The following CRELD2 variants were observed in gnomAD, a reference collection of about 807,000 sequenced individuals.
CRELD2 encodes the protein protein disulfide isomerase CRELD2.
A neutral mutation model predicts 48.1 loss-of-function variants in CRELD2; 33 were observed. The ratio of observed to expected loss-of-function variants is 0.69; its 90% CI spans 0.52 to 0.92. The LOEUF (loss-of-function observed/expected upper bound fraction) is 0.92, where lower values mean the gene tolerates loss of function less well. Ranked by LOEUF, CRELD2 falls within the 40% of genes least tolerant of loss-of-function variation. The pLI is 0.00. For synonymous variants in CRELD2, 220 were observed against 203.9 expected, an observed-to-expected ratio of 1.08 and a Z score of -0.67; for missense variants, 477 against 482.4, an observed-to-expected ratio of 0.99 and a Z score of 0.10.
At chr22:49,922,759 T>C (rs1416961844) in intron 6 of CRELD2, 52 bp downstream of exon 6, 22 of 547,564 alleles carry the variant, frequency 4.0e-5, no homozygotes, top group Middle Eastern at 5.5e-4. Flanking sequence ...GCGTGGGGGG[T>C]GTGAGATGGG....
intron 4 of CRELD2, 51 bp from the exon 5 acceptor site, chr22:49,921,534 G>A (rs555665595): frequency 8.9e-6 from 14 of 1,569,098 alleles, no homozygotes; most frequent in South Asian, 5.8e-5. Context: ...TGAGAACACC[G>A]CACCGGTCAC....
chr22:49,924,185 A>G (rs2060732727), intron 7 of CRELD2, 175 bp from the exon 8 acceptor site: 2 of 537,912 alleles, frequency 3.7e-6, no homozygotes, highest in African/African-American at 3.8e-5. Flanking sequence ...GCTGCACAGC[A>G]GGACGCGAGT....
At position 49,924,293 on chromosome 22, in the gene CRELD2, A is replaced by C. The variant is rs2060734458; in HGVS notation, c.773-67A>C. The C allele has an allele frequency of 6.9e-6, 8 of 1,153,836 alleles. No homozygotes were observed. The South Asian group carries it at 9.5e-5, about 14-fold the overall frequency. The allele number at this position is 1,153,836 out of a possible 1,614,324, so 71.5% of individuals were successfully genotyped here. A position where few individuals can be genotyped will look rare whatever the true frequency, so the allele number is the denominator to read the frequency against. Reference sequence around the variant, plus strand: ...TCCTGGCGGCACCGGTGCCTTGTGCATGTCGGGGTCTGACGGGCACTGGTG... The same window carrying C: ...TCCTGGCGGCACCGGTGCCTTGTGCCTGTCGGGGTCTGACGGGCACTGGTG... On this transcript the variant is annotated intron_variant, in intron 7 of 9. Transcript: ENST00000328268.
chr22:49,918,794 C>T lies in CRELD2; in HGVS notation c.25C>T (p.Leu9=), dbSNP rs2060641244. The change falls in exon 1 of 10, where the codon CTG becomes TTG. Residue 9 remains leucine (L), a synonymous_variant. Transcript: ENST00000328268. The stretch of plus-strand genomic sequence containing the variant: ...CATGCGCCTGCCGCGCCGGGCCGCG[C>T]TGGGGCTCCTGCCGCTTCTGCTGCT... MRLPRRAA[L]GLLPLLLLLP... 7.6e-7 allele frequency: 1 copy of T among 1,313,808 alleles called. No individual in the cohort carries two copies. Among genetic ancestry groups the T allele is most frequent in the Non-Finnish European group, 9.7e-7 (1 of 1,031,108 alleles). The allele number at this position is 1,313,808 out of a possible 1,614,324, so 81.4% of individuals were successfully genotyped here.
At position 49,919,571 on chromosome 22, in the gene CRELD2, G is replaced by A. The variant is rs9616387; in HGVS notation, c.213-159G>A. Reference sequence around the variant, plus strand: ...AACTGGAACACCAGCCCCACTTGTGGGAACCGCTCCTGGCTTCCCCTGACA... The same window carrying A: ...AACTGGAACACCAGCCCCACTTGTGAGAACCGCTCCTGGCTTCCCCTGACA... On this transcript the variant is annotated intron_variant, in intron 2 of 9. Coordinates refer to ENST00000328268, the MANE Select transcript of CRELD2 (RefSeq NM_024324.5). 0.079 allele frequency among the ~76,000 whole-genome samples: 12,010 copies of A among 151,524 alleles called. 588 individuals are homozygous for A. Among genetic ancestry groups the A allele is most frequent in the South Asian group, 0.12 (577 of 4,830 alleles).
chr22:49,922,858 G>GTGTGA (rs2060711424), intron 6 of CRELD2, 151 bp downstream of exon 6: 5 of 119,758 alleles, frequency 4.2e-5, no homozygotes, highest in South Asian at 2.0e-4. Context: ...TGAGGTGTGG[G>GTGTGA]GCTTGGGGTG....
chr22:49,927,174 A>T (rs1263252774), intron 9 of CRELD2, 81 bp from the exon 10 acceptor site: 2 of 1,279,138 alleles, frequency 1.6e-6, no homozygotes, highest in African/African-American at 2.9e-5. Context: ...GGCCCTGCAC[A>T]TGCGCTGCTG....
In CRELD2 at chr22:49,922,634, G is replaced by C; in HGVS notation, c.615G>C (p.Thr205=). The change falls in exon 6 of 10, where the codon ACG becomes ACC. Residue 205 remains threonine, a synonymous_variant. Transcript: ENST00000328268. ...ICTACDESCK[T]CSGLTNRDCG... ...CAGCCTGTGACGAGTCCTGCAAGAC[G>C]TGCTCGGGCCTGACCAACAGAGACT... The C allele has an allele frequency of 1.3e-6, 2 of 1,567,196 alleles. No individual in the cohort carries two copies. Among genetic ancestry groups the C allele is most frequent in the South Asian group, 1.2e-5 (1 of 85,730 alleles).
intron 9 of CRELD2, 117 bp downstream of exon 9, chr22:49,925,674 G>A (rs779387900): frequency 1.0e-5 from 16 of 1,538,284 alleles, no homozygotes; most frequent in Non-Finnish European, 1.4e-5. Context: ...ATGGTGAGAG[G>A]GGGATTCCCG....
chr22:49,924,520 C>A, intron 8 of CRELD2, 65 bp downstream of exon 8: 1 of 1,215,566 alleles, frequency 8.2e-7, no homozygotes, highest in Admixed American at 2.0e-5. Context: ...TGTGAATGGC[C>A]CCAGCAGGTA....
intron 7 of CRELD2, chr22:49,923,568 G>T (rs534186598): frequency 1.6e-4 from 94 of 599,076 alleles, no homozygotes; most frequent in South Asian, 1.6e-3. Flanking sequence ...CACTGCTCGT[G>T]CCCCCCCAGC....
At chr22:49,924,481 G>A (rs762350258) in intron 8 of CRELD2, 26 bp downstream of exon 8, 6 of 1,515,156 alleles carry the variant, frequency 4.0e-6, no homozygotes, top group South Asian at 2.4e-5. Context: ...TGTGCTGGAC[G>A]CTGGTGGACC....
chr22:49,923,024 G>A (rs984046763), intron 6 of CRELD2, among the ~76,000 whole-genome samples: 5 of 151,674 alleles, frequency 3.3e-5, no homozygotes, highest in African/African-American at 1.2e-4. Flanking sequence ...GAGTGTCTAA[G>A]GACAGGGCCT....
chr22:49,925,937 G>A (rs1470972954), intron 9 of CRELD2: 2 of 212,708 alleles, frequency 9.4e-6, no homozygotes, highest in Admixed American at 1.2e-4. Flanking sequence ...AAGTGGTGGA[G>A]GGCAAGCGGG....
intron 7 of CRELD2, chr22:49,923,576 AGC>A (rs2060725507): frequency 1.7e-6 from 1 of 585,132 alleles, no homozygotes; most frequent in Non-Finnish European, 3.1e-6. Context: ...GTGCCCCCCC[AGC>A]GCCCCCGCAA....
chr22:49,919,383 T>C, intron 2 of CRELD2, 71 bp downstream of exon 2: 1 of 1,408,444 alleles, frequency 7.1e-7, no homozygotes, highest in Non-Finnish European at 1.0e-6. Context: ...CTGCCTTTGG[T>C]GCCTGTGTTA....
At chr22:49,921,408 A>G (rs1601840319) in intron 4 of CRELD2, 177 bp from the exon 5 acceptor site, 4 of 666,964 alleles carry the variant, frequency 6.0e-6, no homozygotes, top group Non-Finnish European at 9.9e-6. Context: ...CAGGCGATCC[A>G]CCGCCAGCCC....
At chr22:49,924,980 A>T (rs1180617789) in intron 8 of CRELD2, 1 of 161,202 alleles carries the variant, frequency 6.2e-6, no homozygotes, top group African/African-American at 2.4e-5. Context: ...AAATACAAAA[A>T]ATTAGTCGGG....
chr22:49,923,457 A>G lies in CRELD2; in HGVS notation c.772+140A>G. 6 of 735,178 alleles carry G rather than the reference A, an allele frequency of 8.2e-6. No individual in the cohort carries two copies. The South Asian group carries it at 8.9e-5, about 11-fold the overall frequency. 45.5% of individuals were successfully genotyped at this position (735,178 alleles called of 1,614,324 possible). ...AACACTTAGTGTGGCAAAGTAAGTCATAGGTATTTGCTGCAGGAAAATCAG... is the reference window on the plus strand; with the variant it reads ...AACACTTAGTGTGGCAAAGTAAGTCGTAGGTATTTGCTGCAGGAAAATCAG... On this transcript the variant is annotated intron_variant, in intron 7 of 9. Coordinates refer to ENST00000328268, the MANE Select transcript of CRELD2 (RefSeq NM_024324.5).
Sources: gnomAD v4.1 joint callset for allele counts (sites outside exome capture counted in the v4.1 genomes callset) on GRCh38, gnomAD v4.1.1 for gene constraint, MANE v1.5 for transcripts, NCBI Gene and HGNC (gene_info 2026-07-23, HGNC 2026-07-21) for gene names.